Variants in HCN3 observed in about 807,000 individuals in gnomAD.
HCN3 encodes potassium/sodium hyperpolarization-activated cyclic nucleotide-gated channel 3.
Under a neutral mutation model 56.8 loss-of-function variants are expected in HCN3, and 36 were observed. The ratio of observed to expected loss-of-function variants is 0.63; its 90% CI spans 0.49 to 0.84. The LOEUF (loss-of-function observed/expected upper bound fraction) is 0.84. Among genes scored for constraint, HCN3 ranks in the 40% least tolerant of loss-of-function variants. The pLI is 0.00. For missense variants in HCN3, 930 were observed against 1,079.3 expected (o/e 0.86, Z 1.94); for synonymous variants, 425 against 439.7 (o/e 0.97, Z 0.42).
chr1:155,277,691 C>T lies in HCN3; in HGVS notation c.101C>T (p.Ser34Leu). 6.4e-7 allele frequency: 1 copy of T among 1,566,388 alleles called. No homozygotes were observed. The highest frequency in any genetic ancestry group is 8.6e-7 in the Non-Finnish European group (1 of 1,156,332). ...GCTCCCCCGCCTGCGACCGCGGCCT[C>T]AGGTCCGATCCCCAAATCTGGGCCT... is the stretch of plus-strand genomic sequence containing the variant. ...PVAPPPATAASGPIPKSGPEP... is the reference protein window; with the variant it reads ...PVAPPPATAALGPIPKSGPEP... The change falls in exon 1 of 8, where the codon TCA (serine) becomes TTA (leucine). Residue 34 changes from serine (S) to leucine (L), a missense_variant. Ser to Leu is a moderately radical substitution (Grantham distance 145). Coordinates refer to ENST00000368358, the MANE Select transcript of HCN3 (RefSeq NM_020897.3).
chr1:155,284,262 G>T lies in HCN3; in HGVS notation c.870+127G>T. The T allele has an allele frequency of 8.9e-7, 1 of 1,123,512 alleles. No homozygotes were observed. The highest frequency in any genetic ancestry group is 1.5e-5 in the South Asian group (1 of 65,374). The allele number at this position is 1,123,512 out of a possible 1,614,324, so 69.6% of individuals were successfully genotyped here. A position where few individuals can be genotyped will look rare whatever the true frequency, so the allele number is the denominator to read the frequency against. ...AACAGAAAATAGGAGCGAGGAGGTG[G>T]GGAGGAGGGAGGAAAGGGGAAGGAG... On this transcript the variant is annotated intron_variant, in intron 3 of 7. Coordinates refer to ENST00000368358, the MANE Select transcript of HCN3 (RefSeq NM_020897.3). This position sits in a 1 kb window ranked among gnomAD's most constrained non-coding sequence, Gnocchi z 4.3.
chr1:155,280,017 G>A (rs1673958940), intron 1 of HCN3, among the ~76,000 whole-genome samples: 1 of 151,878 alleles, frequency 6.6e-6, no homozygotes, highest in Non-Finnish European at 1.5e-5. Context: ...CACAATTTTG[G>A]CTCACTGCAA....
chr1:155,278,134 C>T (rs1327620568), intron 1 of HCN3, among the ~76,000 whole-genome samples: 1 of 152,162 alleles, frequency 6.6e-6, no homozygotes, highest in Non-Finnish European at 1.5e-5. Context: ...TGGATTTCCT[C>T]TTTCAGGAAC....
chr1:155,287,851 G>A lies in HCN3; in HGVS notation c.1713G>A (p.Glu571=), dbSNP rs1194303483. ...CAGGCAGCAGTGGTGGCATCATGGA[G>A]CAGCACTTGGTGCAACATGACAGAG... The part of the protein sequence containing the change: ...PSPGSSGGIM[E]QHLVQHDRDM... The change falls in exon 8 of 8, where the codon GAG becomes GAA. Residue 571 remains glutamate (E), a synonymous_variant. Coordinates refer to ENST00000368358, the MANE Select transcript of HCN3 (RefSeq NM_020897.3). 4 of 1,613,716 alleles carry A rather than the reference G, an allele frequency of 2.5e-6. No individual in the cohort carries two copies. The highest frequency in any genetic ancestry group is 3.4e-6 in the Non-Finnish European group (4 of 1,179,860).
In HCN3 at chr1:155,282,581, T is replaced by C; in HGVS notation, c.449T>C (p.Val150Ala). Reference sequence around the variant, plus strand: ...GTGCTCAACTTCCGAACGGGCATCGTGGTGGAGGAGGGTGCTGAGATCCTG... The same window carrying C: ...GTGCTCAACTTCCGAACGGGCATCGCGGTGGAGGAGGGTGCTGAGATCCTG... ...DLVLNFRTGI[V>A]VEEGAEILLA... Residue 150 changes from valine (V) to alanine (A), a missense_variant, in exon 2 of 8, where the codon GTG (valine) becomes GCG (alanine). Physicochemically the swap from Val to Ala is moderately conservative, Grantham distance 64. Coordinates refer to ENST00000368358, the MANE Select transcript of HCN3 (RefSeq NM_020897.3). The surrounding 1 kb of genome is among the most constrained non-coding windows in gnomAD (Gnocchi z 4.7). 1 of 1,614,242 alleles carries C rather than the reference T, an allele frequency of 6.2e-7. No individual in the cohort carries two copies. Among genetic ancestry groups the C allele is most frequent in the Non-Finnish European group, 8.5e-7 (1 of 1,180,052 alleles).
Position 155,284,796 on chromosome 1 carries a change from G to A in HCN3, c.1089+39G>A, listed in dbSNP as rs770630670. On this transcript the variant is annotated intron_variant, in intron 4 of 7. Transcript: ENST00000368358. The surrounding 1 kb of genome is among the most constrained non-coding windows in gnomAD (Gnocchi z 4.3). ...GGAGAGGGAGGTGTGGCATGGAGGG[G>A]TGTTGGAGACTGGGTAGCCTGACTT... is the stretch of plus-strand genomic sequence containing the variant. The A allele has an allele frequency of 3.8e-6, 6 of 1,561,834 alleles. No individual in the cohort carries two copies. Among genetic ancestry groups the A allele is most frequent in the African/African-American group, 1.4e-5 (1 of 73,924 alleles).
rs915437409 is a variant in HCN3 at position 155,285,925 on chromosome 1, G to A, written c.1438G>A (p.Ala480Thr). The A allele has an allele frequency of 5.0e-6, 8 of 1,604,924 alleles. No homozygotes were observed. Among genetic ancestry groups the A allele is most frequent in the South Asian group, 3.3e-5 (3 of 90,490 alleles). ...GCTGCTCAGTGTGCTGGCCCGCGGC[G>A]CCCGGGACACACGCCTCACCGATGG... Reference protein sequence around the residue: ...HGLLSVLARGARDTRLTDGSY... With the variant: ...HGLLSVLARGTRDTRLTDGSY... Residue 480 changes from alanine to threonine, a missense_variant, in exon 6 of 8, where the codon GCC becomes ACC. Physicochemically the swap from Ala to Thr is moderately conservative, Grantham distance 58. Coordinates refer to ENST00000368358, the MANE Select transcript of HCN3 (RefSeq NM_020897.3). This position sits in a 1 kb window ranked among gnomAD's most constrained non-coding sequence, Gnocchi z 4.5.
chr1:155,283,824 A>G (rs1202314310), intron 2 of HCN3, 150 bp from the exon 3 acceptor site: 1 of 769,266 alleles, frequency 1.3e-6, no homozygotes, highest in Non-Finnish European at 2.0e-6. Context: ...GTGCCACAAA[A>G]CTCCACACAA....
rs1466970808 is a variant in HCN3 at position 155,282,523 on chromosome 1, G to A, written c.391G>A (p.Val131Ile). Residue 131 changes from valine (V) to isoleucine (I), a missense_variant, in exon 2 of 8, where the codon GTA becomes ATA. Transcript: ENST00000368358. This position sits in a 1 kb window ranked among gnomAD's most constrained non-coding sequence, Gnocchi z 4.7. ...CTCCCCGCCTTGGATCGTCTTCAAC[G>A]TATTGTCTGATACTTTCTTCCTACT... ...ENSPPWIVFN[V>I]LSDTFFLLDL... The A allele has an allele frequency of 1.2e-6, 2 of 1,614,210 alleles. No homozygotes were observed. Among genetic ancestry groups the A allele is most frequent in the Non-Finnish European group, 1.7e-6 (2 of 1,180,048 alleles).
rs778690238 is a variant in HCN3 at position 155,285,214 on chromosome 1, C to T, written c.1139C>T (p.Thr380Met). ...TCCTTCCACAAGCTGCCAGCAGACA[C>T]GCGGCAGCGCATCCACGAGTACTAT... ...YMSFHKLPAD[T>M]RQRIHEYYEH... Residue 380 changes from threonine (T) to methionine (M), a missense_variant, in exon 5 of 8, where the codon ACG (threonine) becomes ATG (methionine). Coordinates refer to ENST00000368358, the MANE Select transcript of HCN3 (RefSeq NM_020897.3). This position sits in a 1 kb window ranked among gnomAD's most constrained non-coding sequence, Gnocchi z 4.5. 2.2e-5 allele frequency: 35 copies of T among 1,614,108 alleles called. No homozygotes were observed. Among genetic ancestry groups the T allele is most frequent in the African/African-American group, 4.0e-5 (3 of 74,942 alleles).
chr1:155,283,059 G>A (rs1284958113), intron 2 of HCN3, among the ~76,000 whole-genome samples: 1 of 152,096 alleles, frequency 6.6e-6, no homozygotes, highest in Non-Finnish European at 1.5e-5. Context: ...GGGGCCTGGG[G>A]TGAAGATGGT....
At chr1:155,287,445 C>A in intron 7 of HCN3, 108 bp downstream of exon 7, 1 of 1,304,628 alleles carries the variant, frequency 7.7e-7, no homozygotes, top group Non-Finnish European at 1.1e-6. Flanking sequence ...CCAATCCATT[C>A]AGTCCCAACA....
chr1:155,284,260 TG>T lies in HCN3; in HGVS notation c.870+129del. The T allele has an allele frequency of 8.5e-7, 1 of 1,170,166 alleles. No homozygotes were observed. Among genetic ancestry groups the T allele is most frequent in the Non-Finnish European group, 1.2e-6 (1 of 837,108 alleles). 72.5% of individuals were successfully genotyped at this position (1,170,166 alleles called of 1,614,324 possible). On this transcript the variant is annotated intron_variant, in intron 3 of 7. Transcript: ENST00000368358. The surrounding 1 kb of genome is among the most constrained non-coding windows in gnomAD (Gnocchi z 4.3). ...ACAACAGAAAATAGGAGCGAGGAGG[TG>T]GGGAGGAGGGAGGAAAGGGGAAGGA...
chr1:155,283,717 G>T (rs1674166669), intron 2 of HCN3, among the ~76,000 whole-genome samples: 2 of 151,960 alleles, frequency 1.3e-5, no homozygotes, highest in Non-Finnish European at 2.9e-5. Context: ...TCTCTGCTGT[G>T]ACACTTACTA....
Position 155,284,320 on chromosome 1 carries a change from C to T in HCN3, c.870+185C>T. ...AGAAGTGCTCGTGTGTTGGAGGGAGCAGGCAAAGGAAGGGTACCTACCCGG... is the reference window on the plus strand; with the variant it reads ...AGAAGTGCTCGTGTGTTGGAGGGAGTAGGCAAAGGAAGGGTACCTACCCGG... On this transcript the variant is annotated intron_variant, in intron 3 of 7. Transcript: ENST00000368358. This position sits in a 1 kb window ranked among gnomAD's most constrained non-coding sequence, Gnocchi z 4.3. The T allele has an allele frequency of 2.4e-6, 2 of 850,336 alleles. No homozygotes were observed. Among genetic ancestry groups the T allele is most frequent in the Non-Finnish European group, 3.6e-6 (2 of 563,310 alleles). The allele number at this position is 850,336 out of a possible 1,614,324, so 52.7% of individuals were successfully genotyped here.
rs1674192783 is a variant in HCN3 at position 155,284,384 on chromosome 1, C to G, written c.871-155C>G. The G allele has an allele frequency of 1.1e-6, 1 of 929,710 alleles. No homozygotes were observed. The highest frequency in any genetic ancestry group is 1.8e-5 in the South Asian group (1 of 57,052). The allele number at this position is 929,710 out of a possible 1,614,324, so 57.6% of individuals were successfully genotyped here. A position where few individuals can be genotyped will look rare whatever the true frequency, so the allele number is the denominator to read the frequency against. On this transcript the variant is annotated intron_variant, in intron 3 of 7. Coordinates refer to ENST00000368358, the MANE Select transcript of HCN3 (RefSeq NM_020897.3). This position sits in a 1 kb window ranked among gnomAD's most constrained non-coding sequence, Gnocchi z 4.3. The stretch of plus-strand genomic sequence containing the variant: ...CAAGTTGCAATAGAGGACCCTTTTG[C>G]CTCAGGGCCCCCCAGAACCAAACTT...
At chr1:155,286,031 C>A in intron 6 of HCN3, 67 bp downstream of exon 6, 1 of 1,522,046 alleles carries the variant, frequency 6.6e-7, no homozygotes, top group Non-Finnish European at 8.8e-7. Context: ...TGCTCCCAGG[C>A]TCTGGGTCCC....
chr1:155,284,262 G>A lies in HCN3; in HGVS notation c.870+127G>A. ...AACAGAAAATAGGAGCGAGGAGGTG[G>A]GGAGGAGGGAGGAAAGGGGAAGGAG... On this transcript the variant is annotated intron_variant, in intron 3 of 7. Coordinates refer to ENST00000368358, the MANE Select transcript of HCN3 (RefSeq NM_020897.3). This position sits in a 1 kb window ranked among gnomAD's most constrained non-coding sequence, Gnocchi z 4.3. 8.9e-7 allele frequency: 1 copy of A among 1,123,512 alleles called. No individual in the cohort carries two copies. Among genetic ancestry groups the A allele is most frequent in the Non-Finnish European group, 1.3e-6 (1 of 793,526 alleles). 69.6% of individuals were successfully genotyped at this position (1,123,512 alleles called of 1,614,324 possible).
Position 155,285,798 on chromosome 1 carries a change from C to G in HCN3, c.1311C>G (p.Val437=). ...TTGCCCATGCCGACCCCAGCTTCGT[C>G]ACTGCAGTTCTCACCAAGCTGCGCT... The part of the protein sequence containing the change: ...PLFAHADPSF[V]TAVLTKLRFE... Residue 437 remains valine, a synonymous_variant, in exon 6 of 8, where the codon GTC becomes GTG. Transcript: ENST00000368358. The surrounding 1 kb of genome is among the most constrained non-coding windows in gnomAD (Gnocchi z 4.5). The G allele has an allele frequency of 6.2e-7, 1 of 1,614,224 alleles. No homozygotes were observed. The highest frequency in any genetic ancestry group is 1.3e-5 in the African/African-American group (1 of 75,068).
Sources: gnomAD v4.1 joint callset for allele counts (sites outside exome capture counted in the v4.1 genomes callset) on GRCh38, gnomAD v4.1.1 for gene constraint, Gnocchi (gnomAD v3.1) non-coding constraint, MANE v1.5 for transcripts, NCBI Gene and HGNC (gene_info 2026-07-23, HGNC 2026-07-21) for gene names.